FGD6: variants seen among roughly 807,000 people sequenced by gnomAD.
The protein encoded by FGD6 is FYVE, RhoGEF and PH domain containing 6.
A neutral mutation model predicts 149.4 loss-of-function variants in FGD6; 90 were observed. The observed-to-expected ratio is 0.60, with a 90% CI of 0.51 to 0.72. FGD6 has a LOEUF of 0.72. FGD6 is among the 30% of genes least tolerant of loss of function. The pLI, the probability that FGD6 is intolerant of heterozygous loss-of-function variation, is 0.00. For missense variants in FGD6, 1,437 were observed against 1,684.8 expected (o/e 0.85, Z 2.57); for synonymous variants, 527 against 584.0 (o/e 0.90, Z 1.41).
chr12:95,175,730 G>T (rs980243609), intron 2 of FGD6, among the ~76,000 whole-genome samples: 1 of 150,986 alleles, frequency 6.6e-6, no homozygotes, highest in Non-Finnish European at 1.5e-5. Flanking sequence ...AACCAGGGAG[G>T]TGGAGGTTGC....
Position 95,172,733 on chromosome 12 carries a change from G to A in FGD6, c.2453C>T (p.Ser818Phe), listed in dbSNP as rs771671212. ...PRHQHSSSGA[S>F]QEEQNDLGLG... ...ACCAAGATCATTCTGTTCCTCCTGGGATGCTCCTGAACTGCATTCAACAGA... is the reference window on the plus strand; with the variant it reads ...ACCAAGATCATTCTGTTCCTCCTGGAATGCTCCTGAACTGCATTCAACAGA... Residue 818 changes from serine (S) to phenylalanine (F), a missense_variant, in exon 3 of 21, where the codon TCC becomes TTC. Physicochemically the swap from Ser to Phe is radical, Grantham distance 155. This residue lies in a region of FGD6 where 1,055 missense variants were observed against 1,146.0 expected (regional missense o/e 0.92). Transcript: ENST00000343958. The A allele has an allele frequency of 6.2e-7, 1 of 1,609,060 alleles. No individual in the cohort carries two copies. The highest frequency in any genetic ancestry group is 8.5e-7 in the Non-Finnish European group (1 of 1,177,070).
chr12:95,132,029 A>C (rs999321247), intron 8 of FGD6, among the ~76,000 whole-genome samples: 2 of 152,160 alleles, frequency 1.3e-5, no homozygotes, highest in African/African-American at 4.8e-5. Context: ...AACAGGCAAG[A>C]TTTCATCTCA....
intron 8 of FGD6, among the ~76,000 whole-genome samples, chr12:95,127,512 C>G (rs1172167375): frequency 6.6e-6 from 1 of 152,098 alleles, no homozygotes; most frequent in Non-Finnish European, 1.5e-5. Context: ...CCACTGCACT[C>G]CAGCCTGGGC....
intron 9 of FGD6, among the ~76,000 whole-genome samples, chr12:95,112,192 C>A (rs1250467892): frequency 6.6e-6 from 1 of 151,834 alleles, no homozygotes; most frequent in East Asian, 1.9e-4. Context: ...CGTGTTCATG[C>A]CACTGCACTC....
chr12:95,189,238 AC>A (rs1247188284), intron 2 of FGD6: 3 of 152,244 alleles, frequency 2.0e-5, no homozygotes, highest in African/African-American at 7.2e-5. Flanking sequence ...GATTTCAAAG[AC>A]CAGGCAGAGA....
At chr12:95,148,602 CATGTTAT>C (rs1880097709) in intron 5 of FGD6, among the ~76,000 whole-genome samples, 1 of 89,024 alleles carries the variant, frequency 1.1e-5, no homozygotes, top group African/African-American at 3.9e-5. Flanking sequence ...TAATACATAG[CATGTTAT>C]ATATATTATA....
At position 95,128,197 on chromosome 12, in the gene FGD6, G is replaced by T. The variant is rs1879405486; in HGVS notation, c.3082+6542C>A. Among the ~76,000 whole-genome samples the T allele has an allele frequency of 1.3e-5, 2 of 152,150 alleles. 1 individual carries two copies. Among genetic ancestry groups the T allele is most frequent in the South Asian group, 4.1e-4 (2 of 4,824 alleles). ...CAGAATATACTTTCTCAAACTGAGT[G>T]AGTATCTTTTGTGACTGCTACTTGC... On this transcript the variant is annotated intron_variant, in intron 8 of 20. Coordinates refer to ENST00000343958, the MANE Select transcript of FGD6 (RefSeq NM_018351.4).
intron 2 of FGD6, among the ~76,000 whole-genome samples, chr12:95,184,779 C>T (rs187940433): frequency 0.011 from 1,737 of 152,166 alleles, 40 homozygotes; most frequent in African/African-American, 0.04. Flanking sequence ...GATGGGGTTT[C>T]GCCATGTTGG....
intron 8 of FGD6, among the ~76,000 whole-genome samples, chr12:95,119,659 G>A (rs1274850774): frequency 6.6e-6 from 1 of 152,208 alleles, no homozygotes; most frequent in Admixed American, 6.5e-5. Context: ...CGGCTGGTGT[G>A]GTGGCTTACA....
chr12:95,202,010 T>C (rs2056665795), intron 2 of FGD6, among the ~76,000 whole-genome samples: 1 of 151,362 alleles, frequency 6.6e-6, no homozygotes, highest in African/African-American at 2.4e-5. Flanking sequence ...ATCTTCTTCT[T>C]CCATACATTT....
chr12:95,141,401 T>G lies in FGD6; in HGVS notation c.2824A>C (p.Arg942=), dbSNP rs753333261. The change falls in exon 6 of 21, where the codon AGA becomes CGA. Residue 942 remains arginine (R), a synonymous_variant. Transcript: ENST00000343958. Reference sequence around the variant, plus strand: ...GTCCATTTTTACCAGTGCAACATTCTTTCCTCCAGTTCCTTCAAGAGATCC... The same window carrying G: ...GTCCATTTTTACCAGTGCAACATTCGTTCCTCCAGTTCCTTCAAGAGATCC... ...NRDLLKELEE[R]MLHWTEQQRI... is the part of the protein sequence containing the mutation. 8 of 1,613,962 alleles carry G rather than the reference T, an allele frequency of 5.0e-6. No homozygotes were observed. The highest frequency in any genetic ancestry group is 1.7e-5 in the Admixed American group (1 of 59,992).
chr12:95,144,868 T>A (rs559215335), intron 5 of FGD6, among the ~76,000 whole-genome samples: 100 of 151,852 alleles, frequency 6.6e-4, no homozygotes, highest in African/African-American at 2.3e-3. Flanking sequence ...TTTGTATTTT[T>A]AGTAGATACG....
chr12:95,211,396 T>C (rs1224713064), intron 1 of FGD6, 129 bp from the exon 2 acceptor site: 16 of 1,070,396 alleles, frequency 1.5e-5, no homozygotes, highest in East Asian at 1.1e-4. Flanking sequence ...TTACATTATA[T>C]AGTATCAATA....
chr12:95,096,827 T>A (rs892622955), intron 14 of FGD6, among the ~76,000 whole-genome samples: 1 of 152,252 alleles, frequency 6.6e-6, no homozygotes, highest in African/African-American at 2.4e-5. Context: ...TGCTAGCCTC[T>A]GCTCATGTTC....
chr12:95,130,444 T>C (rs1329337487), intron 8 of FGD6, among the ~76,000 whole-genome samples: 1 of 152,214 alleles, frequency 6.6e-6, no homozygotes, highest in Non-Finnish European at 1.5e-5. Flanking sequence ...TTTTGTGCAT[T>C]TGGAATCAAT....
intron 1 of FGD6, among the ~76,000 whole-genome samples, chr12:95,211,563 G>A (rs1241434933): frequency 2.1e-5 from 3 of 143,730 alleles, no homozygotes; most frequent in East Asian, 2.0e-4. Context: ...TTTGTGAGAC[G>A]GAGTCTTGCC....
intron 8 of FGD6, among the ~76,000 whole-genome samples, chr12:95,121,464 G>GAT (rs367593135): frequency 0.17 from 12,294 of 70,590 alleles, 709 homozygotes; most frequent in Admixed American, 0.27. Flanking sequence ...AAAAAAAAAA[G>GAT]ATATATATAT....
In FGD6 at chr12:95,199,092, C is replaced by G. The variant is rs75730941; in HGVS notation, c.2441+9751G>C. On this transcript the variant is annotated intron_variant, in intron 2 of 20. Coordinates refer to ENST00000343958, the MANE Select transcript of FGD6 (RefSeq NM_018351.4). ...CAAGTAAACCTGAACCTTTGTGCAACAACTAAGATCACTTTCGTCTTCTAA... is the reference window on the plus strand; with the variant it reads ...CAAGTAAACCTGAACCTTTGTGCAAGAACTAAGATCACTTTCGTCTTCTAA... 6.0e-3 allele frequency among the ~76,000 whole-genome samples: 912 copies of G among 152,298 alleles called. 6 individuals are homozygous for G. The highest frequency in any genetic ancestry group is 0.01 in the Non-Finnish European group (692 of 68,028).
intron 18 of FGD6, among the ~76,000 whole-genome samples, chr12:95,088,775 G>A (rs117494127): frequency 1.3e-5 from 2 of 152,344 alleles, no homozygotes; most frequent in East Asian, 3.9e-4. Context: ...GATACGTGCT[G>A]TAATTTCCAT....
Sources: gnomAD v4.1 joint callset for allele counts (sites outside exome capture counted in the v4.1 genomes callset) on GRCh38, gnomAD v4.1.1 for gene constraint, gnomAD v4.1.1 regional missense constraint, MANE v1.5 for transcripts, NCBI Gene and HGNC (gene_info 2026-07-23, HGNC 2026-07-21) for gene names.